EYS: variants seen among roughly 807,000 people sequenced by gnomAD.
EYS encodes the protein EGF-like photoreceptor maintenance factor.
A neutral mutation model predicts 282.1 loss-of-function variants in EYS; 250 were observed. That is an observed-to-expected ratio of 0.89 (90% CI 0.80 to 0.98). The LOEUF (loss-of-function observed/expected upper bound fraction) is 0.98. Ranked by LOEUF, EYS falls within the 50% of genes least tolerant of loss-of-function variation. EYS has a pLI of 0.00. For missense variants in EYS, 4,016 were observed against 3,709.0 expected, an observed-to-expected ratio of 1.08 and a Z score of -2.15; for synonymous variants, 1,355 against 1,282.9, an observed-to-expected ratio of 1.06 and a Z score of -1.20.
At chr6:64,339,452 G>T (rs570763570) in intron 29 of EYS, among the ~76,000 whole-genome samples, 57 of 151,984 alleles carry the variant, frequency 3.8e-4, no homozygotes, top group African/African-American at 1.2e-3. Context: ...TGCAAGTATG[G>T]TCATAATAAA....
At chr6:64,755,497 T>TACACACACACACACACAC (rs56705165) in intron 22 of EYS, among the ~76,000 whole-genome samples, 1 of 138,916 alleles carries the variant, frequency 7.2e-6, no homozygotes, top group Non-Finnish European at 1.6e-5. Flanking sequence ...AGAACATACA[T>TACACACACACACACACAC]ACACACACAC....
intron 30 of EYS, among the ~76,000 whole-genome samples, chr6:64,253,009 G>C (rs1447652370): frequency 6.6e-6 from 1 of 151,974 alleles, no homozygotes; most frequent in African/African-American, 2.4e-5. Context: ...TAACATAAAG[G>C]CCACTGCATA....
intron 1 of EYS, among the ~76,000 whole-genome samples, chr6:65,650,512 A>G (rs926812423): frequency 6.6e-6 from 1 of 152,160 alleles, no homozygotes; most frequent in Non-Finnish European, 1.5e-5. Flanking sequence ...AAATATTGCA[A>G]TGGTTATTTC....
At chr6:64,485,422 G>A (rs1171048602) in intron 26 of EYS, among the ~76,000 whole-genome samples, 2 of 151,560 alleles carry the variant, frequency 1.3e-5, no homozygotes, top group African/African-American at 4.8e-5. Context: ...AGTTTCCATA[G>A]GCAGTATGTG....
chr6:63,864,106 T>C, intron 36 of EYS, 80 bp downstream of exon 36: 1 of 1,271,492 alleles, frequency 7.9e-7, no homozygotes, highest in Non-Finnish European at 1.0e-6. Flanking sequence ...TCAAGTGCTA[T>C]CCTTGATTCA....
At chr6:65,620,467 C>T (rs1281702227) in intron 2 of EYS, among the ~76,000 whole-genome samples, 2 of 151,534 alleles carry the variant, frequency 1.3e-5, no homozygotes, top group African/African-American at 2.4e-5. Flanking sequence ...GTCTTGCTAG[C>T]AGTCTCTCAA....
chr6:65,251,997 G>A (rs1004625282), intron 12 of EYS, among the ~76,000 whole-genome samples: 2 of 151,940 alleles, frequency 1.3e-5, no homozygotes, highest in Non-Finnish European at 2.9e-5. Flanking sequence ...ATGAGGGAGG[G>A]GAACTTTCCT....
chr6:64,508,899 A>G lies in EYS; in HGVS notation c.5645-69547T>C, dbSNP rs189830677. 1.2e-3 allele frequency among the ~76,000 whole-genome samples: 188 copies of G among 151,974 alleles called. 1 individual carries two copies. The highest frequency in any genetic ancestry group is 2.1e-3 in the Non-Finnish European group (145 of 67,968). The stretch of plus-strand genomic sequence containing the variant: ...TCATTAGGTTAAAGACTGTGACTTC[A>G]GCTGCTTATGTTTATGCTTTTAGCC... On this transcript the variant is annotated intron_variant, in intron 26 of 42. Transcript: ENST00000503581.
At chr6:65,204,097 A>C (rs1562020704) in intron 12 of EYS, among the ~76,000 whole-genome samples, 1 of 152,124 alleles carries the variant, frequency 6.6e-6, no homozygotes, top group African/African-American at 2.4e-5. Flanking sequence ...GCTTATAGGC[A>C]TTAATGAGAG....
chr6:65,066,471 C>T (rs1773749608), intron 12 of EYS, among the ~76,000 whole-genome samples: 2 of 152,088 alleles, frequency 1.3e-5, no homozygotes. Context: ...TAAATGAATA[C>T]TTTTTTGTAT....
chr6:64,595,449 T>A (rs1766555255), intron 24 of EYS, among the ~76,000 whole-genome samples: 1 of 151,990 alleles, frequency 6.6e-6, no homozygotes, highest in Non-Finnish European at 1.5e-5. Flanking sequence ...CAATTAGGAA[T>A]GAGAGAGAAA....
rs951869419 is a variant in EYS, at chr6:65,495,901, A to G, written c.-240T>C. 6.1e-6 allele frequency: 1 copy of G among 162,826 alleles called. No individual in the cohort carries two copies. The highest frequency in any genetic ancestry group is 2.4e-5 in the African/African-American group (1 of 41,496). 10.1% of individuals were successfully genotyped at this position (162,826 alleles called of 1,614,324 possible). The stretch of plus-strand genomic sequence containing the variant: ...TCTCTTTACACCAAGCTTCAATCTA[A>G]TCAAAACACAGCACAGCCAAGATTC... On this transcript the variant is annotated 5_prime_UTR_variant, in exon 3 of 43. Coordinates refer to ENST00000503581, the MANE Select transcript of EYS (RefSeq NM_001142800.2).
In EYS at chr6:64,626,118, T is replaced by A; in HGVS notation, c.3568+3A>T. On this transcript the variant is annotated splice_donor_region_variant and intron_variant, in intron 23 of 42. Transcript: ENST00000503581. ...GTATGCTTATTATTTTTAAAATAAT[T>A]ACCTGGTTGGCATTTGCAAACATAT... The A allele has an allele frequency of 6.6e-7, 1 of 1,517,306 alleles. No homozygotes were observed. Among genetic ancestry groups the A allele is most frequent in the Non-Finnish European group, 8.9e-7 (1 of 1,121,816 alleles). 94.0% of individuals were successfully genotyped at this position (1,517,306 alleles called of 1,614,324 possible). A position where few individuals can be genotyped will look rare whatever the true frequency, so the allele number is the denominator to read the frequency against.
rs575067820 is a variant in EYS, at chr6:65,216,800, A to C, written c.2023+79063T>G. On this transcript the variant is annotated intron_variant, in intron 12 of 42. Transcript: ENST00000503581. ...ATATTTTATAATATAATATGTATAC[A>C]TATATTATACATCAAAATTTATTTT... Among the ~76,000 whole-genome samples, 17 of 152,052 alleles carry C rather than the reference A, an allele frequency of 1.1e-4. No homozygotes were observed. In the East Asian group the frequency reaches 3.3e-3, roughly 29 times the overall value.
intron 33 of EYS, among the ~76,000 whole-genome samples, chr6:64,014,787 T>A (rs199607751): frequency 0.34 from 50,900 of 151,534 alleles, 8,690 homozygotes; most frequent in Middle Eastern, 0.39. Flanking sequence ...TTATTTTTTT[T>A]TTTTTTGGTT....
intron 29 of EYS, among the ~76,000 whole-genome samples, chr6:64,354,504 A>G (rs1408096931): frequency 6.6e-6 from 1 of 151,602 alleles, no homozygotes; most frequent in East Asian, 1.9e-4. Context: ...AAGAATGTTA[A>G]GTGTTTTCTT....
intron 26 of EYS, among the ~76,000 whole-genome samples, chr6:64,544,793 C>T (rs1160585425): frequency 6.6e-6 from 1 of 152,134 alleles, no homozygotes; most frequent in African/African-American, 2.4e-5. Context: ...AATTCTTCAA[C>T]ACATACACCC....
At chr6:64,860,740 T>C (rs1766210096) in intron 19 of EYS, among the ~76,000 whole-genome samples, 1 of 152,176 alleles carries the variant, frequency 6.6e-6, no homozygotes, top group African/African-American at 2.4e-5. Flanking sequence ...TGCCACTCAG[T>C]GGGTCCTGAG....
intron 22 of EYS, among the ~76,000 whole-genome samples, chr6:64,804,824 T>C (rs917096587): frequency 6.6e-6 from 1 of 152,102 alleles, no homozygotes; most frequent in Non-Finnish European, 1.5e-5. Flanking sequence ...ATATTTGTGA[T>C]TGGAGACTAA....
Sources: gnomAD v4.1 joint callset for allele counts (sites outside exome capture counted in the v4.1 genomes callset) on GRCh38, gnomAD v4.1.1 for gene constraint, MANE v1.5 for transcripts, NCBI Gene and HGNC (gene_info 2026-07-23, HGNC 2026-07-21) for gene names.